Variants in PRKG1 observed in about 807,000 individuals in gnomAD.
PRKG1 encodes cGMP-dependent protein kinase 1.
Under a neutral mutation model 88.1 loss-of-function variants are expected in PRKG1, and 35 were observed. That is an observed-to-expected ratio of 0.40 (90% CI 0.30 to 0.53). The LOEUF (loss-of-function observed/expected upper bound fraction) is 0.53, where lower values mean the gene tolerates loss of function less well. Among genes scored for constraint, PRKG1 ranks in the 20% least tolerant of loss-of-function variants. The pLI, the probability that PRKG1 is intolerant of heterozygous loss-of-function variation, is 0.59. For synonymous variants in PRKG1, 303 were observed against 292.5 expected, an observed-to-expected ratio of 1.04 and a Z score of -0.37; for missense variants, 540 against 839.8, an observed-to-expected ratio of 0.64 and a Z score of 4.41.
intron 5 of PRKG1, among the ~76,000 whole-genome samples, chr10:52,036,218 G>A (rs1845606326): frequency 1.3e-5 from 2 of 151,894 alleles, no homozygotes; most frequent in Admixed American, 6.5e-5. Flanking sequence ...CTGGGATTAA[G>A]GGTGCAAAGG....
intron 3 of PRKG1, among the ~76,000 whole-genome samples, chr10:51,742,870 C>T (rs1012171327): frequency 6.6e-6 from 1 of 152,054 alleles, no homozygotes; most frequent in African/African-American, 2.4e-5. Flanking sequence ...GAAAAGTTGG[C>T]TGCCCTTCAG....
chr10:51,245,131 C>G (rs895382754), intron 2 of PRKG1: 1 of 152,220 alleles, frequency 6.6e-6, no homozygotes, highest in East Asian at 1.9e-4. Context: ...TTCTCTTTTG[C>G]TCTCCTATTG....
chr10:52,215,251 G>A (rs944463664), intron 9 of PRKG1, among the ~76,000 whole-genome samples: 2 of 151,832 alleles, frequency 1.3e-5, no homozygotes, highest in South Asian at 2.1e-4. Context: ...AAAATTAGCC[G>A]GGCATGGTGG....
At chr10:51,393,331 C>G (rs566560458) in intron 2 of PRKG1, among the ~76,000 whole-genome samples, 179 of 150,272 alleles carry the variant, frequency 1.2e-3, no homozygotes, top group Middle Eastern at 0.01. Flanking sequence ...CTCCTCACTT[C>G]CTAGATGGGA....
rs529732001 is a variant in PRKG1, at chr10:51,163,447, C to G, written c.478+10117C>G. Among the ~76,000 whole-genome samples the G allele has an allele frequency of 1.5e-4, 23 of 152,258 alleles. No individual in the cohort carries two copies. The East Asian group carries it at 4.5e-3, about 29-fold the overall frequency. ...ATAGGAACAGCTCCGGTCTACAGCT[C>G]CCAGCATGAGCGACGCAGAAGACGG... On this transcript the variant is annotated intron_variant, in intron 2 of 17. Coordinates refer to ENST00000373980, the MANE Select transcript of PRKG1 (RefSeq NM_006258.4).
intron 4 of PRKG1, among the ~76,000 whole-genome samples, chr10:51,881,230 C>T (rs1225365005): frequency 6.6e-6 from 1 of 152,160 alleles, no homozygotes; most frequent in African/African-American, 2.4e-5. Flanking sequence ...TACATGGCCT[C>T]AAATAGTGTT....
chr10:51,767,430 A>G (rs1838192949), intron 3 of PRKG1, among the ~76,000 whole-genome samples: 1 of 152,188 alleles, frequency 6.6e-6, no homozygotes, highest in Non-Finnish European at 1.5e-5. Flanking sequence ...GATAAAGGCT[A>G]TCTGATGACT....
intron 3 of PRKG1, among the ~76,000 whole-genome samples, chr10:51,785,007 G>A (rs1298284246): frequency 2.0e-5 from 3 of 151,548 alleles, no homozygotes; most frequent in Non-Finnish European, 4.4e-5. Context: ...TTGCTTACTA[G>A]GGTTGTTATT....
At chr10:51,983,682 G>C (rs977147827) in intron 5 of PRKG1, among the ~76,000 whole-genome samples, 2 of 152,206 alleles carry the variant, frequency 1.3e-5, no homozygotes, top group African/African-American at 4.8e-5. Context: ...AACACTCTGG[G>C]CTCTGCATCA....
intron 3 of PRKG1, among the ~76,000 whole-genome samples, chr10:51,549,141 T>TTTTTTTTTTTTTTTTTTTTTTTTGG (rs1554820705): frequency 7.2e-6 from 1 of 137,974 alleles, no homozygotes; most frequent in African/African-American, 2.7e-5. Flanking sequence ...TTTTTTTTTT[T>TTTTTTTTTTTTTTTTTTTTTTTTGG]GAGACAGAGT....
At chr10:51,187,900 T>C (rs924558533) in intron 2 of PRKG1, among the ~76,000 whole-genome samples, 3 of 152,044 alleles carry the variant, frequency 2.0e-5, no homozygotes, top group African/African-American at 7.2e-5. Context: ...TTTGATTTCT[T>C]GAATATATTT....
intron 2 of PRKG1, among the ~76,000 whole-genome samples, chr10:51,172,231 T>C (rs149973966): frequency 6.3e-4 from 96 of 152,200 alleles, no homozygotes; most frequent in Middle Eastern, 3.4e-3. Flanking sequence ...TCTAACACTC[T>C]ATTTAAGCTG....
intron 3 of PRKG1, among the ~76,000 whole-genome samples, chr10:51,660,130 T>TAAA (rs36010118): frequency 1.5e-5 from 2 of 135,734 alleles, no homozygotes; most frequent in Non-Finnish European, 3.1e-5. Flanking sequence ...GGAAGGGAAT[T>TAAA]AAAAAAAAAA....
intron 2 of PRKG1, among the ~76,000 whole-genome samples, chr10:51,220,307 A>C (rs937492601): frequency 6.6e-6 from 1 of 152,210 alleles, no homozygotes; most frequent in African/African-American, 2.4e-5. Flanking sequence ...GAACCCAGCC[A>C]AACCCACCTG....
chr10:51,814,367 C>T (rs1436615524), intron 4 of PRKG1, among the ~76,000 whole-genome samples: 1 of 152,100 alleles, frequency 6.6e-6, no homozygotes, highest in African/African-American at 2.4e-5. Flanking sequence ...TATTTTTCTT[C>T]TATCATTTAC....
intron 3 of PRKG1, among the ~76,000 whole-genome samples, chr10:51,483,339 T>G (rs1307986619): frequency 6.6e-6 from 1 of 152,146 alleles, no homozygotes; most frequent in Non-Finnish European, 1.5e-5. Context: ...CATTTCTATT[T>G]TGGTGCCCTT....
intron 1 of PRKG1, among the ~76,000 whole-genome samples, chr10:51,011,374 A>G (rs1315640757): frequency 6.6e-6 from 1 of 152,040 alleles, no homozygotes; most frequent in African/African-American, 2.4e-5. Flanking sequence ...TCCAGACACC[A>G]CCTCTTGTTC....
intron 2 of PRKG1, among the ~76,000 whole-genome samples, chr10:51,414,299 C>T (rs993831187): frequency 1.3e-5 from 2 of 152,182 alleles, no homozygotes; most frequent in African/African-American, 2.4e-5. Context: ...AGGGGACAAA[C>T]AGGACGGTGC....
At chr10:51,655,372 A>G (rs571518165) in intron 3 of PRKG1, among the ~76,000 whole-genome samples, 27 of 152,284 alleles carry the variant, frequency 1.8e-4, no homozygotes, top group African/African-American at 5.5e-4. Flanking sequence ...CCAGCATATA[A>G]TGGATACTTT....
Sources: allele counts gnomAD v4.1 joint callset (sites outside exome capture counted in the v4.1 genomes callset), GRCh38; gene constraint gnomAD v4.1.1; transcripts MANE v1.5; gene names NCBI Gene and HGNC (gene_info 2026-07-23, HGNC 2026-07-21).